The following NADK2 variants were observed in gnomAD, a reference collection of about 807,000 sequenced individuals.
NADK2 encodes the protein NAD kinase 2, mitochondrial, also known as NAD kinase domain-containing protein 1, mitochondrial.
In NADK2, 35 loss-of-function variants were observed where a neutral mutation model predicts 62.1. The observed-to-expected ratio is 0.56, with a 90% CI of 0.43 to 0.75. NADK2 has a LOEUF of 0.75. NADK2 is among the 30% of genes least tolerant of loss of function. The pLI is 0.00. For missense variants in NADK2, 439 were observed against 561.3 expected (o/e 0.78, Z 2.20); for synonymous variants, 205 against 207.9 (o/e 0.99, Z 0.12).
At chr5:36,222,598 C>T (rs949455153) in intron 4 of NADK2, among the ~76,000 whole-genome samples, 2 of 152,090 alleles carry the variant, frequency 1.3e-5, no homozygotes, top group Non-Finnish European at 2.9e-5. Context: ...TACAATGTAT[C>T]CTGAAGGTCA....
At chr5:36,238,935 T>C (rs1748006535) in intron 1 of NADK2, among the ~76,000 whole-genome samples, 2 of 152,226 alleles carry the variant, frequency 1.3e-5, no homozygotes, top group Admixed American at 1.3e-4. Context: ...TGTTTACATT[T>C]CTACAAAGTT....
intron 8 of NADK2, among the ~76,000 whole-genome samples, chr5:36,201,703 T>A (rs1348669797): frequency 6.6e-6 from 1 of 152,030 alleles, no homozygotes; most frequent in Non-Finnish European, 1.5e-5. Context: ...ACTCTAGAGA[T>A]AAGTACTAGA....
At chr5:36,215,240 C>T (rs1474568502) in intron 6 of NADK2, among the ~76,000 whole-genome samples, 1 of 152,058 alleles carries the variant, frequency 6.6e-6, no homozygotes, top group African/African-American at 2.4e-5. Flanking sequence ...TTATGTGAAA[C>T]ACTTTGTGGG....
intron 8 of NADK2, among the ~76,000 whole-genome samples, chr5:36,204,402 A>G (rs1360787094): frequency 1.3e-5 from 2 of 152,120 alleles, no homozygotes; most frequent in Admixed American, 6.6e-5. Context: ...CACTTTGCCT[A>G]TTTTTTATGG....
At chr5:36,209,021 G>A (rs1214771470) in intron 7 of NADK2, among the ~76,000 whole-genome samples, 1 of 152,066 alleles carries the variant, frequency 6.6e-6, no homozygotes, top group East Asian at 1.9e-4. Context: ...CACAATATAC[G>A]CAGTGCCTGA....
chr5:36,194,753 A>G lies in NADK2; in HGVS notation c.*391T>C, dbSNP rs536755410. 1.3e-5 allele frequency: 2 copies of G among 155,620 alleles called. No individual in the cohort carries two copies. Among genetic ancestry groups the G allele is most frequent in the African/African-American group, 2.4e-5 (1 of 41,714 alleles). The allele number at this position is 155,620 out of a possible 1,614,324, so 9.6% of individuals were successfully genotyped here. A position where few individuals can be genotyped will look rare whatever the true frequency, so the allele number is the denominator to read the frequency against. ...ATAAAAAATATGCACTAATCAAATG[A>G]TATGTGTTCAGTTCTGACAATCCCA... On this transcript the variant is annotated 3_prime_UTR_variant, in exon 12 of 12. Transcript: ENST00000381937.
chr5:36,236,683 G>A (rs1190768621), intron 1 of NADK2, among the ~76,000 whole-genome samples: 5 of 152,048 alleles, frequency 3.3e-5, no homozygotes, highest in Non-Finnish European at 2.9e-5. Flanking sequence ...TGGGGGTGGA[G>A]AGGACGATAA....
intron 1 of NADK2, among the ~76,000 whole-genome samples, chr5:36,240,571 G>A (rs374280617): frequency 6.6e-6 from 1 of 152,164 alleles, no homozygotes; most frequent in African/African-American, 2.4e-5. Flanking sequence ...GCTCATGGTA[G>A]CACCGGGCAC....
intron 1 of NADK2, among the ~76,000 whole-genome samples, chr5:36,237,539 A>G (rs962175465): frequency 6.6e-6 from 1 of 152,216 alleles, no homozygotes; most frequent in African/African-American, 2.4e-5. Flanking sequence ...TCTTTGTATA[A>G]TATTTTGTAT....
chr5:36,227,616 T>C (rs2112169466), intron 1 of NADK2, 51 bp from the exon 2 acceptor site: 2 of 972,150 alleles, frequency 2.1e-6, no homozygotes, highest in Admixed American at 7.4e-5. Context: ...TTACACATGA[T>C]GTTCTAATAT....
Position 36,194,086 on chromosome 5 carries a change from GATA to G in NADK2, c.*1055_*1057del, listed in dbSNP as rs1372437166. On this transcript the variant is annotated 3_prime_UTR_variant, in exon 12 of 12. Transcript: ENST00000381937. ...TTACTTATAAGTAGATCAATAATTA[GATA>G]ATAATTTCCTCCAAAAATAAAGGAA... The G allele has an allele frequency of 6.6e-6, 1 of 151,298 alleles. No homozygotes were observed. The highest frequency in any genetic ancestry group is 1.5e-5 in the Non-Finnish European group (1 of 67,872). 9.4% of individuals were successfully genotyped at this position (151,298 alleles called of 1,614,324 possible). A position where few individuals can be genotyped will look rare whatever the true frequency, so the allele number is the denominator to read the frequency against.
chr5:36,222,868 A>G (rs1414121596), intron 4 of NADK2, among the ~76,000 whole-genome samples: 1 of 152,248 alleles, frequency 6.6e-6, no homozygotes, highest in African/African-American at 2.4e-5. Flanking sequence ...CAGCTTCAGC[A>G]CAGATGATTT....
intron 4 of NADK2, among the ~76,000 whole-genome samples, chr5:36,222,195 C>T (rs1203970599): frequency 6.6e-6 from 1 of 151,512 alleles, no homozygotes; most frequent in East Asian, 1.9e-4. Context: ...ACAAGAAACA[C>T]AGAAGTGAGT....
At chr5:36,206,507 TGAA>T (rs1746645007) in intron 8 of NADK2, among the ~76,000 whole-genome samples, 2 of 147,938 alleles carry the variant, frequency 1.4e-5, no homozygotes, top group African/African-American at 5.0e-5. Context: ...GAGGGGAGAA[TGAA>T]GAATGGAAAA....
rs1335829153 is a variant in NADK2, at chr5:36,195,115, G to A, written c.*29C>T. 6 of 1,582,044 alleles carry A rather than the reference G, an allele frequency of 3.8e-6. No homozygotes were observed. The highest frequency in any genetic ancestry group is 5.1e-6 in the Non-Finnish European group (6 of 1,167,568). On this transcript the variant is annotated 3_prime_UTR_variant, in exon 12 of 12. Coordinates refer to ENST00000381937, the MANE Select transcript of NADK2 (RefSeq NM_001085411.3). ...TTCTGAAGTAAAAATATTCTCGCCA[G>A]TAATCAAAATTTGTCATGAGGAAAT...
intron 6 of NADK2, among the ~76,000 whole-genome samples, chr5:36,216,023 C>T (rs1272573156): frequency 6.6e-6 from 1 of 152,112 alleles, no homozygotes; most frequent in East Asian, 1.9e-4. Flanking sequence ...TGCTGTTTTC[C>T]ATAATGGCTT....
intron 8 of NADK2, among the ~76,000 whole-genome samples, chr5:36,206,683 A>G (rs1321750137): frequency 1.3e-5 from 2 of 152,060 alleles, no homozygotes; most frequent in African/African-American, 4.8e-5. Flanking sequence ...ATTTTAGAAT[A>G]TGAGTTTGTA....
chr5:36,201,291 A>G, intron 8 of NADK2, 130 bp from the exon 9 acceptor site: 1 of 746,740 alleles, frequency 1.3e-6, no homozygotes. Context: ...ACAAAGTTAA[A>G]AACTGGTAAA....
intron 4 of NADK2, among the ~76,000 whole-genome samples, chr5:36,224,156 G>A (rs920578604): frequency 3.9e-5 from 6 of 152,118 alleles, no homozygotes; most frequent in South Asian, 2.1e-4. Flanking sequence ...TAAGTCCACC[G>A]CCAAGTGCTG....
Sources: allele counts gnomAD v4.1 joint callset (sites outside exome capture counted in the v4.1 genomes callset), GRCh38; gene constraint gnomAD v4.1.1; transcripts MANE v1.5; gene names NCBI Gene and HGNC (gene_info 2026-07-23, HGNC 2026-07-21).